GABRD: variants seen among roughly 807,000 people sequenced by gnomAD.
GABRD encodes gamma-aminobutyric acid type A receptor subunit delta, also known as gamma-aminobutyric acid receptor subunit delta.
GABRD carries 25 observed loss-of-function variants against 47.3 expected under a neutral mutation model. The observed-to-expected ratio is 0.53, with a 90% CI of 0.39 to 0.74. GABRD has a LOEUF of 0.74. GABRD is among the 30% of genes least tolerant of loss of function. GABRD has a pLI of 0.00. For synonymous variants in GABRD, 314 were observed against 278.8 expected (o/e 1.13, Z -1.26); for missense variants, 497 against 643.4 (o/e 0.77, Z 2.46).
intron 4 of GABRD, 121 bp from the exon 5 acceptor site, chr1:2,027,456 G>A: frequency 2.6e-6 from 2 of 775,848 alleles, no homozygotes; most frequent in South Asian, 2.9e-5. Context: ...GGCAAACACA[G>A]TCTGAGAAGT....
chr1:2,021,389 G>T (rs1658773427), intron 1 of GABRD, among the ~76,000 whole-genome samples: 1 of 152,154 alleles, frequency 6.6e-6, no homozygotes, highest in Admixed American at 6.5e-5. Flanking sequence ...TGTCCATGAA[G>T]GGCCTCTCTG....
rs1435494704 is a variant in GABRD, at chr1:2,025,690, A to T, written c.422A>T (p.Asn141Ile). 1.9e-6 allele frequency: 3 copies of T among 1,612,958 alleles called. No individual in the cohort carries two copies. In the South Asian group the frequency reaches 3.3e-5, roughly 18 times the overall value. ...TGGTTCCACGACGTGACGGTGGAGA[A>T]CAAGCTCATCCGGCTGCAGCCCGAC... The part of the protein sequence containing the change: ...SAWFHDVTVE[N>I]KLIRLQPDGV... The change falls in exon 4 of 9, where the codon AAC becomes ATC. Residue 141 changes from asparagine to isoleucine, a missense_variant. Asn to Ile is a moderately radical substitution (Grantham distance 149). Around this residue, in one of 3 missense-constraint regions of GABRD, gnomAD observed 285 missense variants for 436.6 expected, o/e 0.65. Coordinates refer to ENST00000378585, the MANE Select transcript of GABRD (RefSeq NM_000815.5).
chr1:2,022,193 G>C (rs1374314193), intron 1 of GABRD: 1 of 152,416 alleles, frequency 6.6e-6, no homozygotes, highest in Non-Finnish European at 1.5e-5. Flanking sequence ...ACCAGAGTCA[G>C]GACAGCCCCA....
intron 2 of GABRD, 78 bp downstream of exon 2, chr1:2,025,132 G>A (rs1441004542): frequency 2.2e-6 from 3 of 1,370,118 alleles, no homozygotes; most frequent in South Asian, 1.2e-5. Context: ...CCACTGGGCT[G>A]TAGGCTGGCC....
rs541068214 is a variant in GABRD at position 2,030,405 on chromosome 1, G to A, written c.*123G>A. The A allele has an allele frequency of 1.8e-4, 160 of 887,646 alleles. 1 individual carries two copies. Among genetic ancestry groups the A allele is most frequent in the Non-Finnish European group, 2.4e-4 (151 of 628,246 alleles). The allele number at this position is 887,646 out of a possible 1,614,324, so 55.0% of individuals were successfully genotyped here. ...CGTGTTTCGAAGTGGGATGACAGTCGGCCACGGAAAACAAGAGGAAGCCTC... is the reference window on the plus strand; with the variant it reads ...CGTGTTTCGAAGTGGGATGACAGTCAGCCACGGAAAACAAGAGGAAGCCTC... On this transcript the variant is annotated 3_prime_UTR_variant, in exon 9 of 9. Transcript: ENST00000378585.
At chr1:2,029,407 A>G (rs1659021051) in intron 7 of GABRD, 141 bp downstream of exon 7, 23 of 1,161,138 alleles carry the variant, frequency 2.0e-5, no homozygotes, top group Non-Finnish European at 2.6e-5. Context: ...GGGCCAGGCC[A>G]GGTCAGGGAA....
chr1:2,021,157 G>A (rs2102142582), intron 1 of GABRD, among the ~76,000 whole-genome samples: 2 of 152,354 alleles, frequency 1.3e-5, no homozygotes, highest in South Asian at 4.1e-4. Flanking sequence ...TGCCTGGTGA[G>A]AGGTGCACTG....
chr1:2,029,345 G>T, intron 7 of GABRD, 79 bp downstream of exon 7: 1 of 1,474,378 alleles, frequency 6.8e-7, no homozygotes. Context: ...TCGGCTGGGG[G>T]CTCAGCACTG....
At chr1:2,026,264 T>C (rs1658926418) in intron 4 of GABRD, among the ~76,000 whole-genome samples, 1 of 152,130 alleles carries the variant, frequency 6.6e-6, no homozygotes, top group African/African-American at 2.4e-5. Context: ...TGGGACCCTT[T>C]ATGACTCCGG....
intron 2 of GABRD, 53 bp from the exon 3 acceptor site, chr1:2,025,281 G>A (rs1362213103): frequency 1.2e-6 from 2 of 1,601,532 alleles, no homozygotes; most frequent in Non-Finnish European, 1.7e-6. Context: ...TCCCATCGTG[G>A]CTCCCATGCT....
rs571921985 is a variant in GABRD, at chr1:2,022,156, A to G, written c.68+2665A>G. ...CCCCAGGGCCACCAGGTGAGGCAGCAGCCCTCTCCCGAGGTCTCCGTGACA... is the reference window on the plus strand; with the variant it reads ...CCCCAGGGCCACCAGGTGAGGCAGCGGCCCTCTCCCGAGGTCTCCGTGACA... On this transcript the variant is annotated intron_variant, in intron 1 of 8. Transcript: ENST00000378585. 2.6e-3 allele frequency among the ~76,000 whole-genome samples: 390 copies of G among 152,298 alleles called. 1 individual carries two copies. Among genetic ancestry groups the G allele is most frequent in the African/African-American group, 8.8e-3 (365 of 41,578 alleles).
chr1:2,019,429 C>T lies in GABRD; in HGVS notation c.6C>T (p.Asp2=), dbSNP rs1658713886. 5 of 1,091,058 alleles carry T rather than the reference C, an allele frequency of 4.6e-6. No individual in the cohort carries two copies. The East Asian group carries it at 2.6e-4, about 56-fold the overall frequency. 67.6% of individuals were successfully genotyped at this position (1,091,058 alleles called of 1,614,324 possible). The stretch of plus-strand genomic sequence containing the variant: ...GTCCCGAGCCCGCCGCGGCCATGGA[C>T]GCGCCCGCCCGGCTGCTGGCCCCGC... M[D]APARLLAPLL... is the part of the protein sequence containing the mutation. The change falls in exon 1 of 9, where the codon GAC becomes GAT. Residue 2 remains aspartate, a synonymous_variant. Transcript: ENST00000378585.
At chr1:2,020,522 C>T (rs962577360) in intron 1 of GABRD, among the ~76,000 whole-genome samples, 1 of 152,240 alleles carries the variant, frequency 6.6e-6, no homozygotes, top group Non-Finnish European at 1.5e-5. Flanking sequence ...GGCCTGGGTC[C>T]AGCTGCAGCC....
At position 2,028,327 on chromosome 1, in the gene GABRD, C is replaced by G; in HGVS notation, c.691+35C>G. On this transcript the variant is annotated intron_variant, in intron 6 of 8. Coordinates refer to ENST00000378585, the MANE Select transcript of GABRD (RefSeq NM_000815.5). The surrounding 1 kb of genome is among the most constrained non-coding windows in gnomAD (Gnocchi z 6.4). The stretch of plus-strand genomic sequence containing the variant: ...GCCCGCCGCCCCTTCCGCATGTGCC[C>G]GCCGCCCCTTCCGCGCGCGCCCACC... 6.3e-7 allele frequency: 1 copy of G among 1,586,220 alleles called. No homozygotes were observed. The highest frequency in any genetic ancestry group is 1.1e-5 in the South Asian group (1 of 89,240).
In GABRD at chr1:2,019,408, C is replaced by T. The variant is rs1013353043; in HGVS notation, c.-16C>T. ...AGCCAAGTTTGCGCGGACCCCGTCC[C>T]GAGCCCGCCGCGGCCATGGACGCGC... On this transcript the variant is annotated 5_prime_UTR_variant, in exon 1 of 9. Transcript: ENST00000378585. 1 of 1,069,730 alleles carries T rather than the reference C, an allele frequency of 9.3e-7. No homozygotes were observed. 66.3% of individuals were successfully genotyped at this position (1,069,730 alleles called of 1,614,324 possible).
intron 4 of GABRD, 144 bp downstream of exon 4, chr1:2,025,882 G>A (rs1181983996): frequency 6.0e-6 from 4 of 670,514 alleles, no homozygotes; most frequent in East Asian, 2.7e-5. Flanking sequence ...CAGAAGCTGC[G>A]CGGTTATTTA....
intron 1 of GABRD, chr1:2,024,674 T>C: frequency 3.3e-6 from 1 of 303,244 alleles, no homozygotes; most frequent in South Asian, 6.9e-5. Flanking sequence ...GCCACCTCCC[T>C]CAAAGCCAGG....
chr1:2,019,576 G>A (rs1658717949), intron 1 of GABRD, 85 bp downstream of exon 1: 3 of 856,466 alleles, frequency 3.5e-6, no homozygotes, highest in East Asian at 1.3e-4. Flanking sequence ...GAGAGCGGCC[G>A]GCGCGAGCCC....
intron 1 of GABRD, among the ~76,000 whole-genome samples, chr1:2,021,015 C>T (rs930584103): frequency 2.0e-4 from 30 of 152,140 alleles, no homozygotes; most frequent in South Asian, 4.1e-4. Context: ...CCTGGGCTGA[C>T]GGGGAAGGGA....
Sources: gnomAD v4.1 joint callset for allele counts (sites outside exome capture counted in the v4.1 genomes callset) on GRCh38, gnomAD v4.1.1 for gene constraint, gnomAD v4.1.1 regional missense constraint, Gnocchi (gnomAD v3.1) non-coding constraint, MANE v1.5 for transcripts, NCBI Gene and HGNC (gene_info 2026-07-23, HGNC 2026-07-21) for gene names.